Variants in C3orf52 observed in about 807,000 individuals in gnomAD.
C3orf52 encodes the protein TPA-induced transmembrane protein.
C3orf52 carries 22 observed loss-of-function variants against 24.8 expected under a neutral mutation model. The observed-to-expected ratio is 0.89, with a 90% CI of 0.63 to 1.27. The LOEUF (loss-of-function observed/expected upper bound fraction) is 1.27. Among genes scored for constraint, C3orf52 ranks in the 50% most tolerant of loss-of-function variants. The pLI is 0.00. For missense variants in C3orf52, 265 were observed against 260.7 expected (o/e 1.02, Z -0.11); for synonymous variants, 93 against 100.2 (o/e 0.93, Z 0.43).
Position 112,117,224 on chromosome 3 carries a change from G to T in C3orf52, c.*578G>T. On this transcript the variant is annotated 3_prime_UTR_variant, in exon 6 of 6. Transcript: ENST00000264848. ...ACCATTCGATTTGATCTACCTCTAAGCCAGGCTGTGAAGAAAAGGAAGGCA... is the reference window on the plus strand; with the variant it reads ...ACCATTCGATTTGATCTACCTCTAATCCAGGCTGTGAAGAAAAGGAAGGCA... 1 of 508,248 alleles carries T rather than the reference G, an allele frequency of 2.0e-6. No individual in the cohort carries two copies. Among genetic ancestry groups the T allele is most frequent in the African/African-American group, 1.9e-5 (1 of 52,842 alleles). The allele number at this position is 508,248 out of a possible 1,614,324, so 31.5% of individuals were successfully genotyped here.
chr3:112,087,812 A>G (rs1372958764), intron 1 of C3orf52, among the ~76,000 whole-genome samples: 1 of 152,200 alleles, frequency 6.6e-6, no homozygotes, highest in African/African-American at 2.4e-5. Context: ...GCCTCAGATT[A>G]GATGGACCCG....
At chr3:112,118,771 T>A (rs1009044898), downstream of C3orf52, among the ~76,000 whole-genome samples, 2 of 152,026 alleles carry the variant, frequency 1.3e-5, no homozygotes, top group Non-Finnish European at 2.9e-5. Context: ...CATAGTGAGG[T>A]TTTAATAATT....
chr3:112,096,891 A>C (rs1363383407), intron 2 of C3orf52, among the ~76,000 whole-genome samples: 4 of 152,234 alleles, frequency 2.6e-5, no homozygotes, highest in African/African-American at 9.6e-5. Flanking sequence ...GCCATTGAAG[A>C]ATGACAAATT....
chr3:112,109,469 T>G, intron 3 of C3orf52, 74 bp from the exon 4 acceptor site: 1 of 860,580 alleles, frequency 1.2e-6, no homozygotes, highest in Non-Finnish European at 1.8e-6. Flanking sequence ...TTAGAAGCAG[T>G]TTTGCTTTGT....
downstream of C3orf52, among the ~76,000 whole-genome samples, chr3:112,132,069 G>A (rs1300004817): frequency 1.3e-5 from 2 of 152,042 alleles, no homozygotes; most frequent in African/African-American, 2.4e-5. Flanking sequence ...CTACATTTGA[G>A]CATCTCATAT....
intron 2 of C3orf52, 100 bp from the exon 3 acceptor site, chr3:112,102,737 TA>T: frequency 1.8e-6 from 2 of 1,105,928 alleles, no homozygotes; most frequent in South Asian, 3.3e-5. Flanking sequence ...TTGATGCTCA[TA>T]GTTATGTTTA....
rs1470892784 is a variant in C3orf52, at chr3:112,109,782, T to C, written c.467+169T>C. The stretch of plus-strand genomic sequence containing the variant: ...GGGAAGGTCTTTTACACCAACAGGC[T>C]CAACTCCCTTATTTTACAAATGAGA... On this transcript the variant is annotated intron_variant, in intron 4 of 5. Transcript: ENST00000264848. 7 of 486,736 alleles carry C rather than the reference T, an allele frequency of 1.4e-5. No individual in the cohort carries two copies. In the Admixed American group the frequency reaches 2.2e-4, roughly 15 times the overall value. The allele number at this position is 486,736 out of a possible 1,614,324, so 30.2% of individuals were successfully genotyped here.
chr3:112,097,787 C>A (rs2073938819), intron 2 of C3orf52, among the ~76,000 whole-genome samples: 1 of 152,178 alleles, frequency 6.6e-6, no homozygotes, highest in South Asian at 2.1e-4. Context: ...AAGATGGACA[C>A]CCTTACCTGT....
At chr3:112,116,391 A>G (rs766801819) in intron 5 of C3orf52, among the ~76,000 whole-genome samples, 2 of 152,226 alleles carry the variant, frequency 1.3e-5, no homozygotes, top group Non-Finnish European at 2.9e-5. Flanking sequence ...CACATCATCA[A>G]AATTATTTCT....
intron 3 of C3orf52, among the ~76,000 whole-genome samples, chr3:112,103,711 C>T (rs914549724): frequency 1.3e-5 from 2 of 152,110 alleles, no homozygotes; most frequent in Non-Finnish European, 2.9e-5. Flanking sequence ...GCATGAAAGG[C>T]CTGTTAAGTG....
chr3:112,109,648 CT>C, intron 4 of C3orf52, 35 bp downstream of exon 4: 11 of 1,360,442 alleles, frequency 8.1e-6, no homozygotes, highest in South Asian at 1.2e-5. Context: ...TGCTCTCTTT[CT>C]CTGGAAAGAG....
chr3:112,112,962 A>G lies in C3orf52; in HGVS notation c.468-2A>G. Reference sequence around the variant, plus strand: ...GTTTTAATGTCTTCCATTGCCTTTCAGTGGTGAAAATGCCACAGTAACGTA... The same window carrying G: ...GTTTTAATGTCTTCCATTGCCTTTCGGTGGTGAAAATGCCACAGTAACGTA... On this transcript the variant is annotated splice_acceptor_variant, in intron 4 of 5. Coordinates refer to ENST00000264848, the MANE Select transcript of C3orf52 (RefSeq NM_024616.3). LOFTEE classifies it high-confidence loss of function. 4.4e-6 allele frequency: 7 copies of G among 1,604,498 alleles called. No individual in the cohort carries two copies. The highest frequency in any genetic ancestry group is 6.0e-6 in the Non-Finnish European group (7 of 1,174,930).
chr3:112,110,093 G>A (rs2074064445), intron 4 of C3orf52, among the ~76,000 whole-genome samples: 2 of 152,184 alleles, frequency 1.3e-5, no homozygotes, highest in African/African-American at 2.4e-5. Context: ...ACTTTGCGAG[G>A]CCAAGGCGGG....
At chr3:112,127,836 C>CTA (rs2074364175) in intron 4 of C3orf52, among the ~76,000 whole-genome samples, 1 of 152,132 alleles carries the variant, frequency 6.6e-6, no homozygotes, top group Non-Finnish European at 1.5e-5. Context: ...ACCCATGAGA[C>CTA]TATTGTTCCT....
In C3orf52 at chr3:112,099,397, A is replaced by T. The variant is rs181513083; in HGVS notation, c.269-3441A>T. ...TCTTTTCCCCATTCACTCACCCTTT[A>T]TATAAGACCAAGTTTATTTTAGTTC... On this transcript the variant is annotated intron_variant, in intron 2 of 5. Transcript: ENST00000264848. Among the ~76,000 whole-genome samples the T allele has an allele frequency of 2.0e-5, 3 of 152,266 alleles. No homozygotes were observed. In the East Asian group the frequency reaches 5.8e-4, roughly 29 times the overall value.
chr3:112,123,137 G>A (rs1002189201), downstream of C3orf52: 3 of 336,150 alleles, frequency 8.9e-6, no homozygotes, highest in African/African-American at 4.2e-5. Flanking sequence ...ATCCCAGACA[G>A]AAGAGCAGAG....
At chr3:112,112,918 G>T in intron 4 of C3orf52, 46 bp from the exon 5 acceptor site, 2 of 1,438,328 alleles carry the variant, frequency 1.4e-6, no homozygotes, top group Non-Finnish European at 1.9e-6. Flanking sequence ...TTCTTGAGTT[G>T]CAGTATGATG....
chr3:112,116,737 T>C lies in C3orf52; in HGVS notation c.*91T>C, dbSNP rs1305930605. 3 of 1,555,518 alleles carry C rather than the reference T, an allele frequency of 1.9e-6. No homozygotes were observed. The African/African-American group carries it at 4.1e-5, about 21-fold the overall frequency. On this transcript the variant is annotated 3_prime_UTR_variant, in exon 6 of 6. Coordinates refer to ENST00000264848, the MANE Select transcript of C3orf52 (RefSeq NM_024616.3). ...ACTCTGTTTTGCAGAAAAGATTCTGTGGATTAATACAGAAGCACCAGCAAC... is the reference window on the plus strand; with the variant it reads ...ACTCTGTTTTGCAGAAAAGATTCTGCGGATTAATACAGAAGCACCAGCAAC...
downstream of C3orf52, chr3:112,130,859 G>T (rs935303607): frequency 2.2e-5 from 7 of 321,682 alleles, no homozygotes; most frequent in Non-Finnish European, 4.2e-5. Flanking sequence ...CATCTCTTTG[G>T]TGCAGTTCCA....
Sources: gnomAD v4.1 joint callset for allele counts (sites outside exome capture counted in the v4.1 genomes callset) on GRCh38, gnomAD v4.1.1 for gene constraint, MANE v1.5 for transcripts, NCBI Gene and HGNC (gene_info 2026-07-23, HGNC 2026-07-21) for gene names.